Variants in ADAMTS3 observed in about 807,000 individuals in gnomAD.
ADAMTS3 encodes ADAM metallopeptidase with thrombospondin type 1 motif 3, also known as A disintegrin and metalloproteinase with thrombospondin motifs 3.
In ADAMTS3, 73 loss-of-function variants were observed where a neutral mutation model predicts 129.0. The ratio of observed to expected loss-of-function variants is 0.57; its 90% CI spans 0.47 to 0.69. The LOEUF is 0.69. Among genes scored for constraint, ADAMTS3 ranks in the 30% least tolerant of loss-of-function variants. The pLI, the probability that ADAMTS3 is intolerant of heterozygous loss-of-function variation, is 0.00. For synonymous variants in ADAMTS3, 477 were observed against 510.8 expected (o/e 0.93, Z 0.89); for missense variants, 1,457 against 1,514.5 (o/e 0.96, Z 0.63).
chr4:72,416,378 C>T (rs1722305868), intron 3 of ADAMTS3, among the ~76,000 whole-genome samples: 1 of 151,932 alleles, frequency 6.6e-6, no homozygotes, highest in African/African-American at 2.4e-5. Context: ...TCTCCATATG[C>T]CACTTCTACG....
chr4:72,319,451 T>C lies in ADAMTS3; in HGVS notation c.1233A>G (p.Gln411=). 1 of 1,613,728 alleles carries C rather than the reference T, an allele frequency of 6.2e-7. No homozygotes were observed. Among genetic ancestry groups the C allele is most frequent in the East Asian group, 2.2e-5 (1 of 44,816 alleles). The change falls in exon 9 of 22, where the codon CAA becomes CAG. Residue 411 remains glutamine (Q), a synonymous_variant. Transcript: ENST00000286657. ...GHVLGMEHDG[Q]GNRCGDETAM... is the part of the protein sequence containing the mutation. The stretch of plus-strand genomic sequence containing the variant: ...CAGTCTCATCACCACACCTGTTGCC[T>C]TGTCCATCATGCTCCATTCCCAACC...
intron 3 of ADAMTS3, among the ~76,000 whole-genome samples, chr4:72,532,060 A>C (rs1185469780): frequency 6.6e-6 from 1 of 152,066 alleles, no homozygotes; most frequent in Non-Finnish European, 1.5e-5. Context: ...AGACAAAAAA[A>C]AAAAAAAGTT....
Position 72,393,179 on chromosome 4 carries a change from C to T in ADAMTS3, c.661+21636G>A, listed in dbSNP as rs547308846. On this transcript the variant is annotated intron_variant, in intron 4 of 21. Transcript: ENST00000286657. ...GACCTCGTGATCCACCCACCTCGGCCGCCCAAAGTGCTGGGATTACAGGCG... is the reference window on the plus strand; with the variant it reads ...GACCTCGTGATCCACCCACCTCGGCTGCCCAAAGTGCTGGGATTACAGGCG... 1.1e-3 allele frequency among the ~76,000 whole-genome samples: 166 copies of T among 152,206 alleles called. 1 individual carries two copies. The highest frequency in any genetic ancestry group is 4.9e-3 in the Admixed American group (75 of 15,296).
At chr4:72,455,952 A>G (rs28805128) in intron 3 of ADAMTS3, among the ~76,000 whole-genome samples, 2,241 of 49,262 alleles carry the variant, frequency 0.045, 154 homozygotes, top group Middle Eastern at 0.074. Context: ...TATATACAGT[A>G]TATATACTAT....
chr4:72,396,553 A>C (rs1483370508), intron 4 of ADAMTS3, among the ~76,000 whole-genome samples: 1 of 152,154 alleles, frequency 6.6e-6, no homozygotes, highest in Admixed American at 6.6e-5. Context: ...GAATATGACT[A>C]TATTTACAGA....
chr4:72,457,147 T>C (rs931989883), intron 3 of ADAMTS3, among the ~76,000 whole-genome samples: 2 of 151,692 alleles, frequency 1.3e-5, no homozygotes, highest in Non-Finnish European at 3.0e-5. Context: ...GTAAACAAAG[T>C]GAGCTTTGTT....
intron 17 of ADAMTS3, among the ~76,000 whole-genome samples, chr4:72,302,123 G>A (rs569108094): frequency 2.6e-5 from 4 of 151,962 alleles, no homozygotes; most frequent in East Asian, 3.9e-4. Flanking sequence ...TAACTTAACC[G>A]CCTGCCAGAA....
chr4:72,326,966 A>AG (rs1719715251), intron 5 of ADAMTS3, among the ~76,000 whole-genome samples: 3 of 152,172 alleles, frequency 2.0e-5, no homozygotes, highest in African/African-American at 7.2e-5. Context: ...CTTACATACC[A>AG]GTCAGTATGT....
At chr4:72,530,371 A>C (rs1211652281) in intron 3 of ADAMTS3, among the ~76,000 whole-genome samples, 1 of 85,992 alleles carries the variant, frequency 1.2e-5, no homozygotes, top group African/African-American at 4.7e-5. Flanking sequence ...TATAAATATA[A>C]TATATAATAT....
At chr4:72,513,841 A>G (rs926818083) in intron 3 of ADAMTS3, among the ~76,000 whole-genome samples, 7 of 152,090 alleles carry the variant, frequency 4.6e-5, no homozygotes, top group Non-Finnish European at 1.0e-4. Context: ...CTCCTCTCCC[A>G]TCCTTCCTCT....
At chr4:72,467,734 A>T (rs1320416679) in intron 3 of ADAMTS3, among the ~76,000 whole-genome samples, 1 of 152,058 alleles carries the variant, frequency 6.6e-6, no homozygotes, top group African/African-American at 2.4e-5. Flanking sequence ...CACCCTTTTA[A>T]GTGAGGACAG....
chr4:72,517,619 T>C (rs1413508490), intron 3 of ADAMTS3, among the ~76,000 whole-genome samples: 1 of 152,254 alleles, frequency 6.6e-6, no homozygotes, highest in African/African-American at 2.4e-5. Flanking sequence ...CTACTTTATT[T>C]GCATAGAGGT....
intron 3 of ADAMTS3, among the ~76,000 whole-genome samples, chr4:72,490,898 T>C (rs1340319508): frequency 6.6e-6 from 1 of 151,930 alleles, no homozygotes; most frequent in Non-Finnish European, 1.5e-5. Context: ...AGAAATGCAC[T>C]GAGTCTGTAT....
intron 4 of ADAMTS3, among the ~76,000 whole-genome samples, chr4:72,385,854 A>C (rs1721432635): frequency 6.6e-6 from 1 of 152,168 alleles, no homozygotes; most frequent in African/African-American, 2.4e-5. Flanking sequence ...ATCTAAAATA[A>C]AAGTTGGGGA....
intron 4 of ADAMTS3, among the ~76,000 whole-genome samples, chr4:72,387,869 C>CAAA (rs138949703): frequency 1.4e-5 from 2 of 146,370 alleles, no homozygotes; most frequent in Admixed American, 1.4e-4. Flanking sequence ...TAACAAAAGA[C>CAAA]AAAAAAAAAA....
At chr4:72,482,113 T>C (rs1719452635) in intron 3 of ADAMTS3, among the ~76,000 whole-genome samples, 1 of 151,988 alleles carries the variant, frequency 6.6e-6, no homozygotes, top group Admixed American at 6.6e-5. Context: ...AAAAAACTAA[T>C]CACTCAATTA....
intron 4 of ADAMTS3, among the ~76,000 whole-genome samples, chr4:72,391,908 C>A (rs567822618): frequency 1.3e-5 from 2 of 152,220 alleles, no homozygotes; most frequent in South Asian, 4.2e-4. Context: ...ATTTTAAGAT[C>A]CTGAAAACGC....
chr4:72,296,512 A>T (rs1216925933), intron 18 of ADAMTS3, among the ~76,000 whole-genome samples: 5 of 152,054 alleles, frequency 3.3e-5, no homozygotes, highest in African/African-American at 9.7e-5. Flanking sequence ...TGTAAGAAAA[A>T]ACAATATTTG....
chr4:72,524,340 G>C (rs936427576), intron 3 of ADAMTS3, among the ~76,000 whole-genome samples: 1 of 152,048 alleles, frequency 6.6e-6, no homozygotes, highest in African/African-American at 2.4e-5. Flanking sequence ...AACAACACTA[G>C]ATATTTTCTA....
Sources: gnomAD v4.1 joint callset for allele counts (sites outside exome capture counted in the v4.1 genomes callset) on GRCh38, gnomAD v4.1.1 for gene constraint, MANE v1.5 for transcripts, NCBI Gene and HGNC (gene_info 2026-07-23, HGNC 2026-07-21) for gene names.